Variants in SESTD1 observed in about 807,000 individuals in gnomAD.
SESTD1 encodes the protein SEC14 and spectrin domain containing 1.
SESTD1 carries 43 observed loss-of-function variants against 101.7 expected under a neutral mutation model. That is an observed-to-expected ratio of 0.42 (90% confidence interval 0.33 to 0.55). SESTD1 has a LOEUF of 0.55. Among genes scored for constraint, SESTD1 ranks in the 20% least tolerant of loss-of-function variants. SESTD1 has a pLI of 0.07. For missense variants in SESTD1, 647 were observed against 815.1 expected (o/e 0.79, Z 2.51); for synonymous variants, 283 against 286.8 (o/e 0.99, Z 0.13).
At chr2:179,215,840 GCAAAT>G (rs2046713060) in intron 1 of SESTD1, among the ~76,000 whole-genome samples, 1 of 135,054 alleles carries the variant, frequency 7.4e-6, no homozygotes, top group Non-Finnish European at 1.6e-5. Context: ...TTCATCATAT[GCAAAT>G]CAATAAACGT....
chr2:179,107,647 T>C lies in SESTD1; in HGVS notation c.*2252A>G, dbSNP rs374708520. 9 of 152,156 alleles carry C rather than the reference T, an allele frequency of 5.9e-5. No individual in the cohort carries two copies. The highest frequency in any genetic ancestry group is 1.4e-4 in the African/African-American group (6 of 41,444). The allele number at this position is 152,156 out of a possible 1,614,324, so 9.4% of individuals were successfully genotyped here. ...TAAGTCAGTTCTAACTTTAAAAAAG[T>C]ATGTTTAAAACATACTTCAGACTGC... On this transcript the variant is annotated 3_prime_UTR_variant, in exon 18 of 18. Coordinates refer to ENST00000428443, the MANE Select transcript of SESTD1 (RefSeq NM_178123.5).
At chr2:179,155,771 ACAGT>A (rs1163776011) in intron 5 of SESTD1, among the ~76,000 whole-genome samples, 2 of 152,184 alleles carry the variant, frequency 1.3e-5, no homozygotes, top group Non-Finnish European at 2.9e-5. Flanking sequence ...TTACTGGGGT[ACAGT>A]CAGTGTTTAG....
chr2:179,199,789 A>C (rs1289998426), intron 1 of SESTD1, among the ~76,000 whole-genome samples: 1 of 152,266 alleles, frequency 6.6e-6, no homozygotes, highest in Non-Finnish European at 1.5e-5. Flanking sequence ...TAAATTAGGT[A>C]TTGATGGGAC....
intron 9 of SESTD1, among the ~76,000 whole-genome samples, chr2:179,132,818 C>A (rs993921743): frequency 6.6e-6 from 1 of 152,250 alleles, no homozygotes; most frequent in East Asian, 1.9e-4. Flanking sequence ...TTTAAGAAAA[C>A]TGAGTTTCAA....
intron 1 of SESTD1, among the ~76,000 whole-genome samples, chr2:179,249,088 CT>C (rs1436702326): frequency 8.8e-6 from 1 of 113,880 alleles, no homozygotes; most frequent in African/African-American, 3.5e-5. Flanking sequence ...GAGATCCCGT[CT>C]TTAAGAAAAA....
At chr2:179,144,151 G>A (rs981954662) in intron 8 of SESTD1, among the ~76,000 whole-genome samples, 3 of 151,298 alleles carry the variant, frequency 2.0e-5, no homozygotes, top group African/African-American at 7.3e-5. Context: ...TTTTGTTATT[G>A]GTGAATTCAT....
Position 179,124,361 on chromosome 2 carries a change from T to G in SESTD1, c.1167+3A>C. ...AAAGAAAAGAATCAGAATAGACACTTACATCTTGGGCAACACCATGAAATT... is the reference window on the plus strand; with the variant it reads ...AAAGAAAAGAATCAGAATAGACACTGACATCTTGGGCAACACCATGAAATT... On this transcript the variant is annotated splice_donor_region_variant and intron_variant, in intron 11 of 17. Coordinates refer to ENST00000428443, the MANE Select transcript of SESTD1 (RefSeq NM_178123.5). 6.2e-7 allele frequency: 1 copy of G among 1,613,184 alleles called. No homozygotes were observed. The highest frequency in any genetic ancestry group is 8.5e-7 in the Non-Finnish European group (1 of 1,179,356).
intron 2 of SESTD1, among the ~76,000 whole-genome samples, chr2:179,184,243 CT>C (rs1309136848): frequency 6.6e-6 from 1 of 152,138 alleles, no homozygotes; most frequent in East Asian, 1.9e-4. Context: ...AGCCCATCTT[CT>C]GACCAAACTG....
rs182578490 is a variant in SESTD1, at chr2:179,135,093, C to A, written c.850-2667G>T. Among the ~76,000 whole-genome samples, 817 of 151,964 alleles carry A rather than the reference C, an allele frequency of 5.4e-3. 8 individuals carry two copies. The highest frequency in any genetic ancestry group is 0.019 in the African/African-American group (772 of 41,426). On this transcript the variant is annotated intron_variant, in intron 9 of 17. Coordinates refer to ENST00000428443, the MANE Select transcript of SESTD1 (RefSeq NM_178123.5). The stretch of plus-strand genomic sequence containing the variant: ...CTGAGTAGCTGGGATTACAGGCGCC[C>A]GCCACCACACCTGGCTAATTTTTCT...
At chr2:179,193,897 C>T (rs1200782281) in intron 1 of SESTD1, among the ~76,000 whole-genome samples, 1 of 152,170 alleles carries the variant, frequency 6.6e-6, no homozygotes, top group Non-Finnish European at 1.5e-5. Flanking sequence ...GGGACCCTTG[C>T]CCCAGTACTA....
chr2:179,148,068 T>G (rs931990264), intron 7 of SESTD1, among the ~76,000 whole-genome samples: 1 of 152,214 alleles, frequency 6.6e-6, no homozygotes, highest in African/African-American at 2.4e-5. Context: ...GCTTGTGACT[T>G]TAATCAGATT....
chr2:179,239,110 G>T (rs2047111832), intron 1 of SESTD1, among the ~76,000 whole-genome samples: 2 of 152,216 alleles, frequency 1.3e-5, no homozygotes, highest in Middle Eastern at 6.8e-3. Flanking sequence ...TCTGACAAAA[G>T]TAAACACTTG....
At position 179,191,816 on chromosome 2, in the gene SESTD1, A is replaced by G. The variant is rs1559137327; in HGVS notation, c.26T>C (p.Ile9Thr). 1 of 1,612,880 alleles carries G rather than the reference A, an allele frequency of 6.2e-7. No individual in the cohort carries two copies. The change falls in exon 2 of 18, where the codon ATT becomes ACT. Residue 9 changes from isoleucine to threonine, a missense_variant. Ile to Thr is a moderately conservative substitution (Grantham distance 89). This residue lies in a region of SESTD1 where 168 missense variants were observed against 235.1 expected (regional missense o/e 0.71). Transcript: ENST00000428443. ...AAGGAAGGCTAGTTTTTTCTTCAGA[A>G]TGGGTAATATTACTGAGGCCTCCAT... The part of the protein sequence containing the change: MEASVILP[I>T]LKKKLAFLSG...
chr2:179,201,918 TATAATAATAATAATAATA>T (rs147660848), intron 1 of SESTD1, among the ~76,000 whole-genome samples: 8 of 103,276 alleles, frequency 7.7e-5, no homozygotes, highest in Admixed American at 3.7e-4. Flanking sequence ...AAACTTAAAG[TATAATAATAATAATAATA>T]ATAATAATAA....
At chr2:179,224,552 C>T (rs1416977023) in intron 1 of SESTD1, among the ~76,000 whole-genome samples, 1 of 152,160 alleles carries the variant, frequency 6.6e-6, no homozygotes, top group Non-Finnish European at 1.5e-5. Flanking sequence ...TTGCTGAAGG[C>T]TCTTTTGAAG....
At chr2:179,177,292 C>T (rs897963371) in intron 3 of SESTD1, among the ~76,000 whole-genome samples, 2 of 152,092 alleles carry the variant, frequency 1.3e-5, no homozygotes, top group African/African-American at 4.8e-5. Flanking sequence ...CTATCATTAT[C>T]ATTGTTATTA....
intron 5 of SESTD1, among the ~76,000 whole-genome samples, chr2:179,171,291 ATAAAC>A (rs1268636122): frequency 1.3e-5 from 2 of 152,210 alleles, no homozygotes. Flanking sequence ...TCCTTTAAGA[ATAAAC>A]TAAGTTTTCT....
At chr2:179,110,159 G>C in intron 17 of SESTD1, 131 bp from the exon 18 acceptor site, 1 of 828,714 alleles carries the variant, frequency 1.2e-6, no homozygotes, top group Non-Finnish European at 1.8e-6. Context: ...TCAGTTCATC[G>C]GTGATCATAC....
At chr2:179,130,816 G>C (rs2044995435) in intron 10 of SESTD1, among the ~76,000 whole-genome samples, 1 of 151,688 alleles carries the variant, frequency 6.6e-6, no homozygotes, top group Non-Finnish European at 1.5e-5. Context: ...ATAGTAACAT[G>C]TTCTAGAACA....
Sources: gnomAD v4.1 joint callset for allele counts (sites outside exome capture counted in the v4.1 genomes callset) on GRCh38, gnomAD v4.1.1 for gene constraint, gnomAD v4.1.1 regional missense constraint, MANE v1.5 for transcripts, NCBI Gene and HGNC (gene_info 2026-07-23, HGNC 2026-07-21) for gene names.